The following SPIDR variants were observed in gnomAD, a reference collection of about 807,000 sequenced individuals.
SPIDR encodes the protein DNA repair-scaffolding protein.
In SPIDR, 93 loss-of-function variants were observed where a neutral mutation model predicts 104.6. The observed-to-expected ratio is 0.89, with a 90% CI of 0.75 to 1.06. SPIDR has a LOEUF of 1.06. SPIDR is among the 50% of genes least tolerant of loss of function. The probability of loss-of-function intolerance (pLI) is 0.00; values close to 1 mark genes in which losing one functional copy is unlikely to be tolerated. For synonymous variants in SPIDR, 431 were observed against 416.9 expected (o/e 1.03, Z -0.41); for missense variants, 1,154 against 1,111.2 (o/e 1.04, Z -0.55).
intron 5 of SPIDR, among the ~76,000 whole-genome samples, chr8:47,394,748 G>A (rs1334576914): frequency 2.0e-5 from 3 of 152,046 alleles, no homozygotes; most frequent in Non-Finnish European, 4.4e-5. Context: ...TACGTAAAGG[G>A]TTTTAGTGTC....
intron 2 of SPIDR, among the ~76,000 whole-genome samples, chr8:47,281,588 T>C (rs1554558703): frequency 8.5e-5 from 13 of 152,244 alleles, no homozygotes; most frequent in Non-Finnish European, 1.8e-4. Flanking sequence ...AAGAAGTAAC[T>C]CTTCATCCAT....
At chr8:47,559,416 C>T (rs1290884301) in intron 8 of SPIDR, among the ~76,000 whole-genome samples, 1 of 152,214 alleles carries the variant, frequency 6.6e-6, no homozygotes, top group Admixed American at 6.5e-5. Flanking sequence ...TTTGCACAGT[C>T]CAGTTGACCA....
intron 8 of SPIDR, among the ~76,000 whole-genome samples, chr8:47,524,229 T>C (rs1002838857): frequency 4.6e-5 from 7 of 152,208 alleles, no homozygotes; most frequent in African/African-American, 1.7e-4. Flanking sequence ...ACTCTCCACC[T>C]GAAACTAGAT....
intron 8 of SPIDR, among the ~76,000 whole-genome samples, chr8:47,501,746 T>C (rs1376509651): frequency 6.6e-6 from 1 of 152,110 alleles, no homozygotes; most frequent in African/African-American, 2.4e-5. Flanking sequence ...ATGCTTCCAG[T>C]TTTTGCCCAT....
intron 8 of SPIDR, among the ~76,000 whole-genome samples, chr8:47,481,948 T>C (rs1383992188): frequency 1.3e-5 from 2 of 152,230 alleles, no homozygotes; most frequent in Non-Finnish European, 2.9e-5. Context: ...TAATGTAGAC[T>C]AAAGCCAACA....
intron 8 of SPIDR, among the ~76,000 whole-genome samples, chr8:47,474,759 G>A (rs1248335995): frequency 6.6e-6 from 1 of 152,202 alleles, no homozygotes; most frequent in Middle Eastern, 3.2e-3. Context: ...TGAGAATTCA[G>A]TCCAACACAG....
chr8:47,317,334 C>G (rs2045569669), intron 5 of SPIDR, among the ~76,000 whole-genome samples: 1 of 152,268 alleles, frequency 6.6e-6, no homozygotes, highest in Non-Finnish European at 1.5e-5. Flanking sequence ...GGGTCCTACA[C>G]CTGCGGAGCC....
chr8:47,598,199 T>C (rs939765700), intron 9 of SPIDR, among the ~76,000 whole-genome samples: 15 of 152,240 alleles, frequency 9.9e-5, no homozygotes, highest in Admixed American at 9.8e-4. Context: ...ATAATGAAAC[T>C]ACTTGTAGCA....
intron 10 of SPIDR, among the ~76,000 whole-genome samples, chr8:47,629,529 G>C (rs2066727152): frequency 6.6e-6 from 1 of 152,188 alleles, no homozygotes; most frequent in Non-Finnish European, 1.5e-5. Flanking sequence ...GAGGCAGGTG[G>C]ATCACCTGAG....
At chr8:47,534,221 A>G (rs1365881733) in intron 8 of SPIDR, among the ~76,000 whole-genome samples, 1 of 152,228 alleles carries the variant, frequency 6.6e-6, no homozygotes, top group Admixed American at 6.5e-5. Flanking sequence ...TCTTCTCTTC[A>G]TAAATTTCCG....
chr8:47,402,392 C>T (rs1324677075), intron 6 of SPIDR, among the ~76,000 whole-genome samples: 4 of 152,070 alleles, frequency 2.6e-5, no homozygotes. Flanking sequence ...AAAAACCCTT[C>T]AAAAAATCAG....
chr8:47,542,274 T>A (rs1000895181), intron 8 of SPIDR, among the ~76,000 whole-genome samples: 1 of 151,664 alleles, frequency 6.6e-6, no homozygotes, highest in Non-Finnish European at 1.5e-5. Flanking sequence ...CTGGGCTGGG[T>A]GGGTGGTTGC....
chr8:47,376,978 C>T (rs554959452), intron 5 of SPIDR, among the ~76,000 whole-genome samples: 47 of 152,238 alleles, frequency 3.1e-4, no homozygotes, highest in African/African-American at 1.1e-3. Flanking sequence ...TGGCTGCCGT[C>T]GCATTACAGT....
intron 8 of SPIDR, among the ~76,000 whole-genome samples, chr8:47,505,599 C>T (rs1338862258): frequency 6.6e-6 from 1 of 152,222 alleles, no homozygotes; most frequent in Non-Finnish European, 1.5e-5. Flanking sequence ...GAGGCAGTGC[C>T]TCGCCCTGCT....
chr8:47,672,659 T>G (rs1448493124), intron 10 of SPIDR, among the ~76,000 whole-genome samples: 9 of 152,242 alleles, frequency 5.9e-5, no homozygotes, highest in Admixed American at 3.9e-4. Flanking sequence ...TTGGGGACCT[T>G]TTACCTCTTT....
intron 8 of SPIDR, among the ~76,000 whole-genome samples, chr8:47,536,091 TATA>T (rs1216635477): frequency 6.6e-6 from 1 of 151,158 alleles, no homozygotes; most frequent in Non-Finnish European, 1.5e-5. Context: ...AATCTAAAAA[TATA>T]TATATATATA....
At chr8:47,573,201 T>C (rs2058722882) in intron 8 of SPIDR, among the ~76,000 whole-genome samples, 1 of 152,204 alleles carries the variant, frequency 6.6e-6, no homozygotes, top group East Asian at 1.9e-4. Context: ...CCTGATTGTT[T>C]TTCGGCAGGC....
chr8:47,449,299 C>A (rs1439158573), intron 8 of SPIDR, among the ~76,000 whole-genome samples: 1 of 152,010 alleles, frequency 6.6e-6, no homozygotes, highest in Non-Finnish European at 1.5e-5. Flanking sequence ...ATTTGTGGGG[C>A]CCAGTCAATG....
At chr8:47,685,513 A>ATTTTTTTTTTTTTTTTTTT (rs376980650) in intron 11 of SPIDR, among the ~76,000 whole-genome samples, 1 of 120,972 alleles carries the variant, frequency 8.3e-6, no homozygotes, top group Non-Finnish European at 1.9e-5. Context: ...TTATTTATTT[A>ATTTTTTTTTTTTTTTTTTT]TTTATTTTTT....
Sources: gnomAD v4.1 joint callset for allele counts (sites outside exome capture counted in the v4.1 genomes callset) on GRCh38, gnomAD v4.1.1 for gene constraint, MANE v1.5 for transcripts, NCBI Gene and HGNC (gene_info 2026-07-23, HGNC 2026-07-21) for gene names.